Variants in TMEM150C observed in about 807,000 individuals in gnomAD.
TMEM150C encodes transmembrane protein 150C.
TMEM150C carries 10 observed loss-of-function variants against 29.9 expected under a neutral mutation model. The ratio of observed to expected loss-of-function variants is 0.33; its 90% CI spans 0.21 to 0.57. The LOEUF (loss-of-function observed/expected upper bound fraction) is 0.57, where lower values mean the gene tolerates loss of function less well. Ranked by LOEUF, TMEM150C falls within the 20% of genes least tolerant of loss-of-function variation. The pLI, the probability that TMEM150C is intolerant of heterozygous loss-of-function variation, is 0.88. For missense variants in TMEM150C, 251 were observed against 303.6 expected, an observed-to-expected ratio of 0.83 and a Z score of 1.29; for synonymous variants, 101 against 112.5, an observed-to-expected ratio of 0.90 and a Z score of 0.64.
At chr4:82,495,091 CT>C in intron 6 of TMEM150C, 1 of 1,013,184 alleles carries the variant, frequency 9.9e-7, no homozygotes, top group Non-Finnish European at 1.4e-6. Flanking sequence ...GGTTTCTTAC[CT>C]TCTTTGTTTA....
chr4:82,535,499 T>C (rs1387539369), intron 1 of TMEM150C, among the ~76,000 whole-genome samples: 2 of 152,172 alleles, frequency 1.3e-5, no homozygotes, highest in Non-Finnish European at 2.9e-5. Context: ...AGCAATGGTA[T>C]AGAAGCAATT....
intron 1 of TMEM150C, among the ~76,000 whole-genome samples, chr4:82,553,647 A>G (rs1043644508): frequency 6.6e-6 from 1 of 152,232 alleles, no homozygotes; most frequent in African/African-American, 2.4e-5. Context: ...GAGTGAAAAA[A>G]AGTCACTCTG....
intron 1 of TMEM150C, among the ~76,000 whole-genome samples, chr4:82,513,890 T>G (rs1287699242): frequency 3.3e-5 from 5 of 152,138 alleles, no homozygotes; most frequent in Non-Finnish European, 7.4e-5. Flanking sequence ...GAAAGAAGGT[T>G]GGGAGAGAAG....
intron 1 of TMEM150C, among the ~76,000 whole-genome samples, chr4:82,536,808 G>A (rs1725022312): frequency 6.6e-6 from 1 of 152,050 alleles, no homozygotes; most frequent in Non-Finnish European, 1.5e-5. Flanking sequence ...ATACTTATAA[G>A]CAATAGGTCA....
chr4:82,519,501 C>T (rs1003158478), intron 1 of TMEM150C, among the ~76,000 whole-genome samples: 1 of 152,184 alleles, frequency 6.6e-6, no homozygotes, highest in Middle Eastern at 3.4e-3. Context: ...TCTCGGCTCA[C>T]TGCAACTCCT....
intron 1 of TMEM150C, among the ~76,000 whole-genome samples, chr4:82,534,646 C>T (rs1724952099): frequency 1.3e-5 from 2 of 152,160 alleles, no homozygotes; most frequent in South Asian, 4.1e-4. Flanking sequence ...GATTAGAATG[C>T]AGATTCCTGG....
At chr4:82,542,462 C>T (rs143037181) in intron 1 of TMEM150C, among the ~76,000 whole-genome samples, 5 of 152,272 alleles carry the variant, frequency 3.3e-5, no homozygotes, top group Admixed American at 2.6e-4. Context: ...TAAGTAGTCA[C>T]TCAAGAGGGC....
intron 5 of TMEM150C, among the ~76,000 whole-genome samples, chr4:82,498,351 G>A (rs1001949595): frequency 4.0e-5 from 6 of 149,374 alleles, no homozygotes; most frequent in Non-Finnish European, 5.9e-5. Context: ...GTGCAGTGGC[G>A]CAAACTTGGC....
At chr4:82,549,960 C>T (rs1335082012) in intron 1 of TMEM150C, among the ~76,000 whole-genome samples, 2 of 152,078 alleles carry the variant, frequency 1.3e-5, no homozygotes, top group African/African-American at 4.8e-5. Flanking sequence ...GAGGAGATGG[C>T]ATTAGGGGTT....
intron 1 of TMEM150C, among the ~76,000 whole-genome samples, chr4:82,507,947 T>C (rs1378818983): frequency 6.6e-6 from 1 of 151,706 alleles, no homozygotes; most frequent in Non-Finnish European, 1.5e-5. Flanking sequence ...AAGGTTTCAC[T>C]ACGTTGCCCA....
At chr4:82,514,904 T>A (rs912848709) in intron 1 of TMEM150C, among the ~76,000 whole-genome samples, 8 of 152,072 alleles carry the variant, frequency 5.3e-5, no homozygotes, top group Non-Finnish European at 7.3e-5. Flanking sequence ...GAAAAAAAAA[T>A]TCATTTTTAA....
chr4:82,553,865 G>A (rs1021391057), intron 1 of TMEM150C, among the ~76,000 whole-genome samples: 6 of 152,066 alleles, frequency 3.9e-5, no homozygotes, highest in African/African-American at 1.4e-4. Flanking sequence ...TTATTTTTAT[G>A]TGCATACATA....
At chr4:82,515,637 T>C (rs2903816) in intron 1 of TMEM150C, among the ~76,000 whole-genome samples, 30,857 of 151,396 alleles carry the variant, frequency 0.2, 3,551 homozygotes, top group South Asian at 0.4. Context: ...CTTGGGAGGC[T>C]GAGGCAGGAG....
intron 1 of TMEM150C, among the ~76,000 whole-genome samples, chr4:82,528,605 CTT>C (rs549464188): frequency 2.7e-4 from 37 of 139,488 alleles, no homozygotes; most frequent in Non-Finnish European, 2.3e-4. Context: ...TTCCTCGTCC[CTT>C]TTTTTTTTTT....
At chr4:82,534,459 C>G (rs1331523483) in intron 1 of TMEM150C, among the ~76,000 whole-genome samples, 1 of 152,046 alleles carries the variant, frequency 6.6e-6, no homozygotes, top group African/African-American at 2.4e-5. Context: ...AAAAAAGAAG[C>G]CATTTACAAT....
intron 1 of TMEM150C, chr4:82,509,881 ATAGT>A (rs1442971871): frequency 1.3e-5 from 2 of 152,216 alleles, no homozygotes; most frequent in Non-Finnish European, 2.9e-5. Flanking sequence ...TTCAAAACAG[ATAGT>A]TTGTACAGTG....
At chr4:82,486,569 G>A (rs80327286) in intron 7 of TMEM150C, among the ~76,000 whole-genome samples, 2,437 of 151,780 alleles carry the variant, frequency 0.016, 49 homozygotes, top group African/African-American at 0.056. Context: ...TTCATTCCTC[G>A]TATCACGTCT....
chr4:82,554,247 G>C (rs1279908173), intron 1 of TMEM150C, among the ~76,000 whole-genome samples: 1 of 152,082 alleles, frequency 6.6e-6, no homozygotes, highest in Non-Finnish European at 1.5e-5. Context: ...TTAAGTTTCA[G>C]TGCAAACTAG....
chr4:82,561,931 T>C lies in TMEM150C; in HGVS notation c.-36A>G, dbSNP rs1335417415. 9 of 1,036,560 alleles carry C rather than the reference T, an allele frequency of 8.7e-6. No homozygotes were observed. The highest frequency in any genetic ancestry group is 1.0e-5 in the Non-Finnish European group (9 of 860,208). 64.2% of individuals were successfully genotyped at this position (1,036,560 alleles called of 1,614,324 possible). A position where few individuals can be genotyped will look rare whatever the true frequency, so the allele number is the denominator to read the frequency against. The stretch of plus-strand genomic sequence containing the variant: ...CTGCTCTGGTGCGGCGGGGCCGCTG[T>C]CGCCTCGAGGGGCTGTGACCTGCTG... On this transcript the variant is annotated 5_prime_UTR_variant, in exon 1 of 8. Coordinates refer to ENST00000449862, the MANE Select transcript of TMEM150C (RefSeq NM_001080506.3).
Sources: allele counts gnomAD v4.1 joint callset (sites outside exome capture counted in the v4.1 genomes callset), GRCh38; gene constraint gnomAD v4.1.1; transcripts MANE v1.5; gene names NCBI Gene and HGNC (gene_info 2026-07-23, HGNC 2026-07-21).